AHI1: variants seen among roughly 807,000 people sequenced by gnomAD.
The protein encoded by AHI1 is jouberin.
In AHI1, 123 loss-of-function variants were observed where a neutral mutation model predicts 149.3. The observed-to-expected ratio is 0.82, with a 90% CI of 0.71 to 0.96. The LOEUF (loss-of-function observed/expected upper bound fraction) is 0.96. Ranked by LOEUF, AHI1 falls within the 40% of genes least tolerant of loss-of-function variation. AHI1 has a pLI of 0.00. For missense variants in AHI1, 1,439 were observed against 1,422.7 expected, an observed-to-expected ratio of 1.01 and a Z score of -0.18; for synonymous variants, 475 against 459.8, an observed-to-expected ratio of 1.03 and a Z score of -0.42.
In AHI1 at chr6:135,438,382, T is replaced by C; in HGVS notation, c.2029A>G (p.Thr677Ala). Residue 677 changes from threonine (T) to alanine (A), a missense_variant, in exon 15 of 29, where the codon ACT (threonine) becomes GCT (alanine). Transcript: ENST00000265602. ...HYILTSSSDG[T>A]ARIWKNEINN... Reference sequence around the variant, plus strand: ...CTTCTCAAGGATACTAACCTGGCAGTGCCATCAGATGATGAAGTAAGGATG... The same window carrying C: ...CTTCTCAAGGATACTAACCTGGCAGCGCCATCAGATGATGAAGTAAGGATG... 6.3e-7 allele frequency: 1 copy of C among 1,580,372 alleles called. No individual in the cohort carries two copies. Among genetic ancestry groups the C allele is most frequent in the Non-Finnish European group, 8.6e-7 (1 of 1,161,162 alleles).
chr6:135,307,962 C>G (rs984659422), intron 26 of AHI1, among the ~76,000 whole-genome samples: 9 of 151,988 alleles, frequency 5.9e-5, no homozygotes, highest in African/African-American at 2.2e-4. Context: ...TTATCCAGCC[C>G]CAAATGCCAA....
At chr6:135,389,972 A>C (rs1178419172) in intron 23 of AHI1, among the ~76,000 whole-genome samples, 3 of 151,742 alleles carry the variant, frequency 2.0e-5, no homozygotes, top group Non-Finnish European at 2.9e-5. Context: ...GCTCAACATA[A>C]ATTCATAAAT....
intron 17 of AHI1, 108 bp from the exon 18 acceptor site, chr6:135,430,108 G>C: frequency 1.7e-6 from 1 of 600,184 alleles, no homozygotes; most frequent in East Asian, 2.9e-5. Context: ...CACTGTATAG[G>C]ATGCTTTAAA....
chr6:135,479,465 G>T (rs1268869116), intron 5 of AHI1, among the ~76,000 whole-genome samples: 1 of 152,216 alleles, frequency 6.6e-6, no homozygotes, highest in Non-Finnish European at 1.5e-5. Context: ...TGACTGCCCT[G>T]CTGGGTTCTG....
intron 27 of AHI1, among the ~76,000 whole-genome samples, chr6:135,294,698 C>CAAAAAAAAAAAAAAAAAAAAAAAAAAAA (rs56734547): frequency 1.6e-4 from 11 of 68,014 alleles, no homozygotes; most frequent in East Asian, 5.2e-4. Flanking sequence ...TCTCCAAATG[C>CAAAAAAAAAAAAAAAAAAAAAAAAAAAA]AAAAAAAAAA....
chr6:135,360,482 C>T (rs758420070), intron 23 of AHI1, among the ~76,000 whole-genome samples: 2 of 152,198 alleles, frequency 1.3e-5, no homozygotes, highest in African/African-American at 2.4e-5. Flanking sequence ...GCAACTCTTT[C>T]CTACGTCTCC....
At chr6:135,397,351 A>G (rs1779364090) in intron 22 of AHI1, among the ~76,000 whole-genome samples, 1 of 151,998 alleles carries the variant, frequency 6.6e-6, no homozygotes, top group African/African-American at 2.4e-5. Context: ...TAATTTTACA[A>G]CAACAGAAAG....
At chr6:135,490,255 T>C (rs191677646) in intron 5 of AHI1, 1 of 720,142 alleles carries the variant, frequency 1.4e-6, no homozygotes, top group African/African-American at 1.7e-5. Flanking sequence ...AGAAATAGTT[T>C]AAATAAGCAC....
chr6:135,483,662 C>G (rs1003169356), intron 5 of AHI1, among the ~76,000 whole-genome samples: 1 of 152,186 alleles, frequency 6.6e-6, no homozygotes, highest in African/African-American at 2.4e-5. Context: ...TCAAACCACT[C>G]CAGACTTAGC....
intron 22 of AHI1, among the ~76,000 whole-genome samples, chr6:135,403,653 A>G (rs73562004): frequency 0.012 from 1,782 of 152,240 alleles, 41 homozygotes; most frequent in African/African-American, 0.041. Flanking sequence ...AATAAATTGT[A>G]TTTTTGCCTC....
In AHI1 at chr6:135,427,092, C is replaced by A. The variant is rs183927040; in HGVS notation, c.2764+75G>T. The A allele has an allele frequency of 4.9e-6, 7 of 1,437,720 alleles. No homozygotes were observed. In the Admixed American group the frequency reaches 1.0e-4, roughly 21 times the overall value. The allele number at this position is 1,437,720 out of a possible 1,614,324, so 89.1% of individuals were successfully genotyped here. ...GTGTACTTTTGTCAACATTTGAATT[C>A]CAGACAGATTCCTGGTTTAGTCTAA... On this transcript the variant is annotated intron_variant, in intron 20 of 28. Coordinates refer to ENST00000265602, the MANE Select transcript of AHI1 (RefSeq NM_001134831.2).
intron 2 of AHI1, among the ~76,000 whole-genome samples, chr6:135,496,937 C>G (rs1232010753): frequency 6.6e-6 from 1 of 152,202 alleles, no homozygotes; most frequent in Non-Finnish European, 1.5e-5. Flanking sequence ...TCATAAGAAG[C>G]AATCTTCCTC....
intron 23 of AHI1, among the ~76,000 whole-genome samples, chr6:135,365,743 T>A (rs897858173): frequency 5.3e-5 from 8 of 152,206 alleles, no homozygotes; most frequent in African/African-American, 1.9e-4. Flanking sequence ...AGGTATACAA[T>A]CATATCATTG....
chr6:135,486,121 C>T (rs982587321), intron 5 of AHI1, among the ~76,000 whole-genome samples: 2 of 152,160 alleles, frequency 1.3e-5, no homozygotes, highest in Non-Finnish European at 2.9e-5. Flanking sequence ...GCTATCATAT[C>T]TTTATGTTTC....
At chr6:135,362,647 CATTTGT>C (rs961193057) in intron 23 of AHI1, among the ~76,000 whole-genome samples, 68 of 152,200 alleles carry the variant, frequency 4.5e-4, no homozygotes, top group African/African-American at 1.6e-3. Flanking sequence ...GCTTGTTGGC[CATTTGT>C]ATATCTTCTT....
rs1263569164 is a variant in AHI1, at chr6:135,487,903, C to T, written c.135+2720G>A. Among the ~76,000 whole-genome samples the T allele has an allele frequency of 3.4e-5, 5 of 147,324 alleles. No individual in the cohort carries two copies. In the East Asian group the frequency reaches 7.9e-4, roughly 23 times the overall value. On this transcript the variant is annotated intron_variant, in intron 5 of 28. Transcript: ENST00000265602. ...ACTACATCTTTAATAAATCTTAAAT[C>T]TTTTTTTTTTTCCAGGGAGGGAACA...
In AHI1 at chr6:135,285,318, AT is replaced by A. The variant is rs1781556423; in HGVS notation, c.*326del. On this transcript the variant is annotated 3_prime_UTR_variant, in exon 29 of 29. Transcript: ENST00000265602. ...AATAACGCAAACACCTTTTATTCAC[AT>A]TTGCTGAGTAGCAATTACAGTGTTT... 7.4e-6 allele frequency: 3 copies of A among 404,754 alleles called. No homozygotes were observed. In the East Asian group the frequency reaches 1.3e-4, roughly 18 times the overall value. The allele number at this position is 404,754 out of a possible 1,614,324, so 25.1% of individuals were successfully genotyped here.
In AHI1 at chr6:135,294,465, C is replaced by T. The variant is rs147196203; in HGVS notation, c.3486-3940G>A. Reference sequence around the variant, plus strand: ...CAGAGGTTGCAGTGAGCCAAGATCACGCCATTGCACTCCAGCCTGGATGAC... The same window carrying T: ...CAGAGGTTGCAGTGAGCCAAGATCATGCCATTGCACTCCAGCCTGGATGAC... On this transcript the variant is annotated intron_variant, in intron 27 of 28. Transcript: ENST00000265602. Among the ~76,000 whole-genome samples the T allele has an allele frequency of 2.7e-4, 41 of 151,440 alleles. 1 individual carries two copies. The East Asian group carries it at 5.1e-3, about 19-fold the overall frequency.
chr6:135,299,518 G>C (rs1783584642), intron 27 of AHI1, among the ~76,000 whole-genome samples: 1 of 152,160 alleles, frequency 6.6e-6, no homozygotes. Context: ...GCTGTTCAAT[G>C]CTGTCACACT....
Sources: allele counts gnomAD v4.1 joint callset (sites outside exome capture counted in the v4.1 genomes callset), GRCh38; gene constraint gnomAD v4.1.1; transcripts MANE v1.5; gene names NCBI Gene and HGNC (gene_info 2026-07-23, HGNC 2026-07-21).